Variants in MRC1 observed in about 807,000 individuals in gnomAD.
The protein encoded by MRC1 is mannose receptor C-type 1.
Under a neutral mutation model 102.9 loss-of-function variants are expected in MRC1, and 62 were observed. The ratio of observed to expected loss-of-function variants is 0.60; its 90% CI spans 0.49 to 0.74. MRC1 has a LOEUF of 0.74. Ranked by LOEUF, MRC1 falls within the 30% of genes least tolerant of loss-of-function variation. The pLI is 0.00. For synonymous variants in MRC1, 457 were observed against 298.4 expected (o/e 1.53, Z -5.48); for missense variants, 1,237 against 862.8 (o/e 1.43, Z -5.43).
At chr10:17,859,568 T>C (rs1833147793) in intron 9 of MRC1, among the ~76,000 whole-genome samples, 2 of 152,310 alleles carry the variant, frequency 1.3e-5, no homozygotes, top group Admixed American at 6.5e-5. Flanking sequence ...CCCACCTGCT[T>C]CGTCCTTCCA....
intron 9 of MRC1, among the ~76,000 whole-genome samples, chr10:17,857,742 A>G (rs1833116530): frequency 6.6e-6 from 1 of 152,082 alleles, no homozygotes; most frequent in Admixed American, 6.5e-5. Context: ...TAATAATGCA[A>G]TTTTTTTCTG....
At chr10:17,833,547 GGGAAAAAAAGAAA>G (rs1838613988) in intron 3 of MRC1, 115 bp from the exon 4 acceptor site, 14 of 719,582 alleles carry the variant, frequency 1.9e-5, no homozygotes, top group South Asian at 3.2e-5. Context: ...AGTAGAAAGG[GGGAAAAAAAGAAA>G]GGAAAGAAAG....
At chr10:17,851,314 TA>T (rs1838913064) in intron 7 of MRC1, among the ~76,000 whole-genome samples, 1 of 152,038 alleles carries the variant, frequency 6.6e-6, no homozygotes, top group South Asian at 2.1e-4. Flanking sequence ...TTTTAAACAA[TA>T]AAATAATATT....
intron 1 of MRC1, among the ~76,000 whole-genome samples, chr10:17,818,606 C>T (rs1388164028): frequency 6.6e-6 from 1 of 152,068 alleles, no homozygotes; most frequent in Non-Finnish European, 1.5e-5. Flanking sequence ...GTCAGGAGTT[C>T]GAGACCAGCT....
intron 6 of MRC1, 45 bp from the exon 7 acceptor site, chr10:17,849,534 T>G: frequency 1.3e-6 from 1 of 753,008 alleles, no homozygotes; most frequent in Non-Finnish European, 2.4e-6. Flanking sequence ...ATAGTTTTAA[T>G]CAAATCTTTT....
chr10:17,900,724 G>C lies in MRC1; in HGVS notation c.3484-64G>C. ...TAAATATACTTTGTATTCTTGAATT[G>C]GTTCTTTTAGTATTTTCTAAATGAA... On this transcript the variant is annotated intron_variant, in intron 24 of 29. Transcript: ENST00000569591. The C allele has an allele frequency of 5.1e-6, 4 of 780,094 alleles. No homozygotes were observed. In the East Asian group the frequency reaches 9.7e-5, roughly 19 times the overall value. 48.3% of individuals were successfully genotyped at this position (780,094 alleles called of 1,614,324 possible).
chr10:17,891,440 A>G (rs1374355637), intron 22 of MRC1, among the ~76,000 whole-genome samples: 2 of 152,144 alleles, frequency 1.3e-5, no homozygotes, highest in Non-Finnish European at 2.9e-5. Context: ...TGCTGGGATT[A>G]CAGGCGTGAG....
chr10:17,885,179 A>G (rs1833574735), intron 21 of MRC1, 90 bp from the exon 22 acceptor site: 1 of 770,740 alleles, frequency 1.3e-6, no homozygotes, highest in East Asian at 2.4e-5. Context: ...CACATGCTAA[A>G]TATTTTGAAA....
intron 3 of MRC1, among the ~76,000 whole-genome samples, chr10:17,832,691 C>T (rs1174608846): frequency 6.6e-6 from 1 of 150,868 alleles, no homozygotes; most frequent in Non-Finnish European, 1.5e-5. Context: ...GGGTTCACGC[C>T]ATTCTCCTGC....
chr10:17,809,995 C>A (rs1434468982), intron 1 of MRC1, among the ~76,000 whole-genome samples: 5 of 152,182 alleles, frequency 3.3e-5, no homozygotes, highest in African/African-American at 4.8e-5. Context: ...GATCATCCCC[C>A]CAAAAGAGAT....
intron 1 of MRC1, among the ~76,000 whole-genome samples, chr10:17,821,923 A>G (rs1838401963): frequency 6.6e-6 from 1 of 152,266 alleles, no homozygotes; most frequent in African/African-American, 2.4e-5. Flanking sequence ...AAAATTTCAC[A>G]AGATGTGTTT....
At chr10:17,891,724 A>G (rs1554843134) in intron 22 of MRC1, among the ~76,000 whole-genome samples, 1 of 152,148 alleles carries the variant, frequency 6.6e-6, no homozygotes, top group African/African-American at 2.4e-5. Context: ...GTTTGCTGTC[A>G]CTTTAGGTGT....
chr10:17,843,687 T>G (rs1422157876), intron 5 of MRC1, among the ~76,000 whole-genome samples: 1 of 152,008 alleles, frequency 6.6e-6, no homozygotes, highest in African/African-American at 2.4e-5. Flanking sequence ...AAAGATAACT[T>G]AATGCTTATT....
At chr10:17,895,451 C>T (rs1465139950) in intron 23 of MRC1, among the ~76,000 whole-genome samples, 4 of 151,674 alleles carry the variant, frequency 2.6e-5, no homozygotes, top group Non-Finnish European at 5.9e-5. Flanking sequence ...CTTACCTGTA[C>T]CTTTTTTAAA....
intron 28 of MRC1, among the ~76,000 whole-genome samples, chr10:17,907,928 A>G (rs1833917802): frequency 1.3e-5 from 2 of 152,220 alleles, no homozygotes; most frequent in Admixed American, 6.5e-5. Context: ...TTATCAGTGC[A>G]TTTGTAATGG....
At chr10:17,864,850 G>T (rs1056760758) in intron 11 of MRC1, among the ~76,000 whole-genome samples, 1 of 119,388 alleles carries the variant, frequency 8.4e-6, no homozygotes, top group African/African-American at 3.5e-5. Context: ...AAAAAAAAAA[G>T]CAGTGGAAAC....
intron 12 of MRC1, among the ~76,000 whole-genome samples, chr10:17,866,970 A>G (rs112357884): frequency 2.6e-5 from 4 of 152,032 alleles, no homozygotes; most frequent in African/African-American, 9.7e-5. Context: ...ACAACCAACA[A>G]CATAAACACA....
chr10:17,823,058 C>G lies in MRC1; in HGVS notation c.62-16C>G. The stretch of plus-strand genomic sequence containing the variant: ...TTGCTTTCTTCTTCTTTTCCTGCTT[C>G]TTTCTTTTTAAACAGACACCAGGCA... On this transcript the variant is annotated splice_polypyrimidine_tract_variant and intron_variant, in intron 1 of 29. Coordinates refer to ENST00000569591, the MANE Select transcript of MRC1 (RefSeq NM_002438.4). 6 of 780,760 alleles carry G rather than the reference C, an allele frequency of 7.7e-6. No individual in the cohort carries two copies. The highest frequency in any genetic ancestry group is 1.7e-5 in the Admixed American group (1 of 59,006). The allele number at this position is 780,760 out of a possible 1,614,324, so 48.4% of individuals were successfully genotyped here.
Position 17,845,340 on chromosome 10 carries a change from A to G in MRC1, c.968A>G (p.Lys323Arg). The change falls in exon 6 of 30, where the codon AAA becomes AGA. Residue 323 changes from lysine (K) to arginine (R), a missense_variant. By Grantham distance (26) the Lys-to-Arg change is conservative. Transcript: ENST00000569591. Reference sequence around the variant, plus strand: ...AGCTGTGTGTCACTAAATCCTGGAAAAAATGCTAAATGGGAAAATCTGGAA... The same window carrying G: ...AGCTGTGTGTCACTAAATCCTGGAAGAAATGCTAAATGGGAAAATCTGGAA... ...GKSCVSLNPG[K>R]NAKWENLECV... is the part of the protein sequence containing the mutation. 1.3e-6 allele frequency: 1 copy of G among 780,868 alleles called. No individual in the cohort carries two copies. Among genetic ancestry groups the G allele is most frequent in the Non-Finnish European group, 2.4e-6 (1 of 417,948 alleles). 48.4% of individuals were successfully genotyped at this position (780,868 alleles called of 1,614,324 possible).
Sources: gnomAD v4.1 joint callset for allele counts (sites outside exome capture counted in the v4.1 genomes callset) on GRCh38, gnomAD v4.1.1 for gene constraint, MANE v1.5 for transcripts, NCBI Gene and HGNC (gene_info 2026-07-23, HGNC 2026-07-21) for gene names.